The following KAZN variants were observed in gnomAD, a reference collection of about 807,000 sequenced individuals.
KAZN encodes kazrin.
Under a neutral mutation model 87.4 loss-of-function variants are expected in KAZN, and 40 were observed. The observed-to-expected ratio is 0.46, with a 90% CI of 0.36 to 0.60. The LOEUF (loss-of-function observed/expected upper bound fraction) is 0.60. Among genes scored for constraint, KAZN ranks in the 20% least tolerant of loss-of-function variants. The probability of loss-of-function intolerance (pLI) is 0.00; values close to 1 mark genes in which losing one functional copy is unlikely to be tolerated. For synonymous variants in KAZN, 466 were observed against 458.3 expected (o/e 1.02, Z -0.22); for missense variants, 898 against 1,073.9 (o/e 0.84, Z 2.29).
At chr1:14,522,166 G>T (rs1171721554) in intron 2 of KAZN, among the ~76,000 whole-genome samples, 3 of 152,132 alleles carry the variant, frequency 2.0e-5, no homozygotes, top group Non-Finnish European at 4.4e-5. Context: ...AGATCAACTT[G>T]ATTAAGTAAG....
chr1:14,990,130 G>A (rs1667209408), intron 2 of KAZN, among the ~76,000 whole-genome samples: 1 of 152,162 alleles, frequency 6.6e-6, no homozygotes, highest in African/African-American at 2.4e-5. Flanking sequence ...CCAAGGTTGG[G>A]ATCTCATTCC....
At chr1:14,086,758 G>T (rs1005029583) in intron 1 of KAZN, among the ~76,000 whole-genome samples, 2 of 152,060 alleles carry the variant, frequency 1.3e-5, no homozygotes, top group South Asian at 2.1e-4. Context: ...TGAGGGAAGG[G>T]TCTAGATACG....
chr1:14,505,534 C>T (rs920742863), intron 2 of KAZN, among the ~76,000 whole-genome samples: 1 of 152,080 alleles, frequency 6.6e-6, no homozygotes, highest in African/African-American at 2.4e-5. Context: ...GACAAATACT[C>T]CATGATTCCA....
chr1:15,016,226 A>G (rs934628832), intron 2 of KAZN, among the ~76,000 whole-genome samples: 1 of 152,168 alleles, frequency 6.6e-6, no homozygotes, highest in Non-Finnish European at 1.5e-5. Context: ...GAGACTTTGA[A>G]GGGGATGTGG....
intron 2 of KAZN, among the ~76,000 whole-genome samples, chr1:14,292,971 G>T (rs894137841): frequency 2.6e-5 from 4 of 152,172 alleles, no homozygotes; most frequent in Non-Finnish European, 4.4e-5. Context: ...CACAGATCCT[G>T]GTCAGCACTG....
chr1:13,985,612 C>CGAATTTTAG (rs1189899449), intron 1 of KAZN, among the ~76,000 whole-genome samples: 1 of 150,478 alleles, frequency 6.6e-6, no homozygotes, highest in Non-Finnish European at 1.5e-5. Context: ...TGCTAGATGA[C>CGAATTTTAG]GAATTTTAGG....
intron 1 of KAZN, among the ~76,000 whole-genome samples, chr1:14,068,128 C>G (rs4994005): frequency 5.9e-5 from 9 of 152,100 alleles, no homozygotes; most frequent in African/African-American, 9.6e-5. Flanking sequence ...GTTCCCCCCC[C>G]CAACAATTGA....
intron 2 of KAZN, among the ~76,000 whole-genome samples, chr1:14,995,915 A>G (rs542775637): frequency 3.0e-4 from 46 of 152,284 alleles, no homozygotes; most frequent in African/African-American, 1.1e-3. Context: ...ACCATTTAAA[A>G]GTTGGAAACT....
intron 2 of KAZN, among the ~76,000 whole-genome samples, chr1:14,388,434 C>T (rs893499056): frequency 1.3e-5 from 2 of 152,156 alleles, no homozygotes; most frequent in Admixed American, 1.3e-4. Context: ...CTGGAGGAAT[C>T]ACATTACTTG....
At chr1:14,150,483 T>C (rs1645448445) in intron 1 of KAZN, among the ~76,000 whole-genome samples, 1 of 152,222 alleles carries the variant, frequency 6.6e-6, no homozygotes, top group African/African-American at 2.4e-5. Flanking sequence ...TCCAACTTCA[T>C]TGTGCCATCG....
At chr1:15,043,162 C>G (rs1037710644) in intron 3 of KAZN, among the ~76,000 whole-genome samples, 8 of 152,196 alleles carry the variant, frequency 5.3e-5, no homozygotes, top group Non-Finnish European at 1.5e-5. Flanking sequence ...AACTGTTTCT[C>G]TCACAGGCTG....
At chr1:14,197,656 T>A (rs949840789) in intron 2 of KAZN, among the ~76,000 whole-genome samples, 82 of 151,962 alleles carry the variant, frequency 5.4e-4, no homozygotes, top group Admixed American at 5.4e-3. Context: ...CCACTACACT[T>A]CAGCCTGTGT....
At chr1:14,849,495 TCATG>T (rs1162118277) in intron 1 of KAZN, among the ~76,000 whole-genome samples, 1 of 152,218 alleles carries the variant, frequency 6.6e-6, no homozygotes, top group Non-Finnish European at 1.5e-5. Context: ...TTCTATAAAG[TCATG>T]CACCTAGAAT....
intron 2 of KAZN, among the ~76,000 whole-genome samples, chr1:14,977,399 T>TCCA (rs1244936378): frequency 6.6e-6 from 1 of 152,170 alleles, no homozygotes; most frequent in Non-Finnish European, 1.5e-5. Flanking sequence ...TACCCATGGT[T>TCCA]CCATCCCAGA....
chr1:14,138,229 C>A (rs1645153744), intron 1 of KAZN, among the ~76,000 whole-genome samples: 1 of 152,040 alleles, frequency 6.6e-6, no homozygotes, highest in African/African-American at 2.4e-5. Flanking sequence ...CAGGGTGAGC[C>A]TCAGGGCTGG....
At chr1:14,958,458 T>C (rs1354796204) in intron 1 of KAZN, among the ~76,000 whole-genome samples, 1 of 151,998 alleles carries the variant, frequency 6.6e-6, no homozygotes, top group East Asian at 1.9e-4. Flanking sequence ...GGAGCACTTC[T>C]TATATACATG....
chr1:13,917,753 C>G (rs541252614), intron 1 of KAZN, among the ~76,000 whole-genome samples: 1 of 135,582 alleles, frequency 7.4e-6, no homozygotes, highest in African/African-American at 2.8e-5. Context: ...GCTGTGTTTA[C>G]ACGACAGCAC....
intron 2 of KAZN, among the ~76,000 whole-genome samples, chr1:14,415,055 A>G (rs1185736288): frequency 6.6e-6 from 1 of 152,158 alleles, no homozygotes; most frequent in African/African-American, 2.4e-5. Context: ...GTACATACAT[A>G]CAAAAAAGGA....
chr1:14,459,773 C>T (rs12122476), intron 2 of KAZN, among the ~76,000 whole-genome samples: 7,993 of 151,266 alleles, frequency 0.053, 301 homozygotes, highest in East Asian at 0.11. Context: ...GAAACATATA[C>T]TTAAATAGCA....
Sources: allele counts gnomAD v4.1 joint callset (sites outside exome capture counted in the v4.1 genomes callset), GRCh38; gene constraint gnomAD v4.1.1; transcripts MANE v1.5; gene names NCBI Gene and HGNC (gene_info 2026-07-23, HGNC 2026-07-21).